The following ATCAY variants were observed in gnomAD, a reference collection of about 807,000 sequenced individuals.
ATCAY encodes ATCAY kinesin light chain interacting caytaxin.
In ATCAY, 22 loss-of-function variants were observed where a neutral mutation model predicts 47.7. That is an observed-to-expected ratio of 0.46 (90% CI 0.33 to 0.66). ATCAY has a LOEUF of 0.66. Ranked by LOEUF, ATCAY falls within the 30% of genes least tolerant of loss-of-function variation. The probability of loss-of-function intolerance (pLI) is 0.02; values close to 1 mark genes in which losing one functional copy is unlikely to be tolerated. For missense variants in ATCAY, 452 were observed against 515.0 expected (o/e 0.88, Z 1.18); for synonymous variants, 216 against 207.6 (o/e 1.04, Z -0.35).
rs1190710949 is a variant in ATCAY, at chr19:3,881,876, C to A, written c.-42+868C>A. ...CTGGCTGCTGCCACCGCCCCCCCCC[C>A]GACCCCATAGCATCCAGGAGGGATT... On this transcript the variant is annotated intron_variant, in intron 1 of 12. Coordinates refer to ENST00000450849, the MANE Select transcript of ATCAY (RefSeq NM_033064.5). Among the ~76,000 whole-genome samples the A allele has an allele frequency of 2.4e-3, 342 of 139,822 alleles. 4 individuals carry two copies. Among genetic ancestry groups the A allele is most frequent in the African/African-American group, 9.2e-3 (331 of 35,970 alleles). 91.7% of individuals were successfully genotyped at this position (139,822 alleles called of 152,430 possible).
intron 8 of ATCAY, 75 bp from the exon 9 acceptor site, chr19:3,913,683 G>A (rs2038941290): frequency 8.8e-7 from 1 of 1,139,168 alleles, no homozygotes; most frequent in African/African-American, 1.5e-5. Flanking sequence ...CTGTCGCCAT[G>A]GCTCTGTCTG....
Position 3,924,803 on chromosome 19 carries a change from G to A in ATCAY, c.*211G>A, listed in dbSNP as rs1338995525. 8.8e-6 allele frequency: 5 copies of A among 569,082 alleles called. No homozygotes were observed. The highest frequency in any genetic ancestry group is 1.6e-5 in the Non-Finnish European group (5 of 321,914). 35.3% of individuals were successfully genotyped at this position (569,082 alleles called of 1,614,324 possible). A position where few individuals can be genotyped will look rare whatever the true frequency, so the allele number is the denominator to read the frequency against. ...TTTTTTTTAACGATGCAGTATTTGT[G>A]CGTTCCAGAAAAGGGCCCAGCTCTG... On this transcript the variant is annotated 3_prime_UTR_variant, in exon 13 of 13. Coordinates refer to ENST00000450849, the MANE Select transcript of ATCAY (RefSeq NM_033064.5).
chr19:3,918,943 G>T, intron 11 of ATCAY, 66 bp downstream of exon 11: 3 of 1,562,322 alleles, frequency 1.9e-6, no homozygotes, highest in East Asian at 2.2e-5. Flanking sequence ...TCCCTTGGGG[G>T]AGGCTAGAGA....
intron 3 of ATCAY, among the ~76,000 whole-genome samples, chr19:3,904,932 T>C (rs2038847051): frequency 6.6e-6 from 1 of 152,170 alleles, no homozygotes; most frequent in Non-Finnish European, 1.5e-5. Context: ...CGATCTTGGC[T>C]CACTGTAACC....
intron 2 of ATCAY, among the ~76,000 whole-genome samples, chr19:3,887,581 G>A (rs1003096467): frequency 5.3e-5 from 8 of 151,158 alleles, no homozygotes; most frequent in Non-Finnish European, 1.2e-4. Context: ...CCGCCTCCCG[G>A]GTTCACGCCA....
At chr19:3,881,527 G>T (rs999532537) in intron 1 of ATCAY, among the ~76,000 whole-genome samples, 1 of 152,004 alleles carries the variant, frequency 6.6e-6, no homozygotes, top group Non-Finnish European at 1.5e-5. Flanking sequence ...AGACATCAGG[G>T]CTCAAATGAG....
chr19:3,892,048 C>A (rs2038723099), intron 2 of ATCAY, among the ~76,000 whole-genome samples: 1 of 152,052 alleles, frequency 6.6e-6, no homozygotes, highest in African/African-American at 2.4e-5. Context: ...CACCACCACG[C>A]CCAGCTAATT....
At chr19:3,914,081 A>G (rs1242166445) in intron 9 of ATCAY, among the ~76,000 whole-genome samples, 12 of 151,424 alleles carry the variant, frequency 7.9e-5, no homozygotes, top group Non-Finnish European at 2.9e-5. Flanking sequence ...CTAAAAATAC[A>G]AAAAATTAGC....
chr19:3,913,944 G>T, intron 9 of ATCAY, 88 bp downstream of exon 9: 1 of 1,245,836 alleles, frequency 8.0e-7, no homozygotes. Context: ...ATTTACAAAA[G>T]AGGTTTAAGG....
At chr19:3,895,056 T>G in intron 2 of ATCAY, 1 of 446,216 alleles carries the variant, frequency 2.2e-6, no homozygotes, top group African/African-American at 2.0e-5. Context: ...TCATTTTCTT[T>G]GCCGTAAGCA....
intron 2 of ATCAY, among the ~76,000 whole-genome samples, chr19:3,901,715 G>A (rs890309306): frequency 5.9e-5 from 9 of 152,168 alleles, no homozygotes; most frequent in Non-Finnish European, 1.3e-4. Context: ...AAAACATGCT[G>A]GGCGGGCGCG....
chr19:3,908,138 C>T (rs955767241), intron 5 of ATCAY, 130 bp from the exon 6 acceptor site: 4 of 1,030,364 alleles, frequency 3.9e-6, no homozygotes, highest in South Asian at 1.5e-5. Flanking sequence ...GCTAAGGGGT[C>T]GCCGGCTGCT....
At chr19:3,912,317 A>T (rs962598225) in intron 8 of ATCAY, among the ~76,000 whole-genome samples, 3 of 151,544 alleles carry the variant, frequency 2.0e-5, no homozygotes, top group Non-Finnish European at 2.9e-5. Context: ...TACAAAAAAA[A>T]ATTTTTTTTT....
intron 9 of ATCAY, among the ~76,000 whole-genome samples, chr19:3,916,122 C>G (rs558783574): frequency 7.2e-5 from 11 of 152,042 alleles, no homozygotes; most frequent in Admixed American, 3.9e-4. Flanking sequence ...CTCTAGGGAC[C>G]TCCTAGGAAT....
intron 2 of ATCAY, among the ~76,000 whole-genome samples, chr19:3,899,193 T>A (rs575922499): frequency 6.6e-6 from 1 of 151,954 alleles, no homozygotes; most frequent in Non-Finnish European, 1.5e-5. Flanking sequence ...CAAAAACATT[T>A]GATGAATAGA....
chr19:3,902,078 T>C (rs1249634564), intron 2 of ATCAY, among the ~76,000 whole-genome samples: 2 of 152,176 alleles, frequency 1.3e-5, no homozygotes, highest in Middle Eastern at 3.4e-3. Context: ...TTTGGGAGGC[T>C]GAGGTGGGAA....
Position 3,897,822 on chromosome 19 carries a change from C to T in ATCAY, c.78-4665C>T, listed in dbSNP as rs776723263. On this transcript the variant is annotated intron_variant, in intron 2 of 12. Transcript: ENST00000450849. ...ACTCTGGAGGCTGAGGCACAAGAAT[C>T]GCCTAAACCCGGGAGATGGAGGTTG... Among the ~76,000 whole-genome samples the T allele has an allele frequency of 3.3e-5, 5 of 152,082 alleles. No individual in the cohort carries two copies. In the East Asian group the frequency reaches 9.7e-4, roughly 29 times the overall value.
In ATCAY at chr19:3,905,374, T is replaced by C. The variant is rs1320326844; in HGVS notation, c.137-60T>C. 11 of 1,472,146 alleles carry C rather than the reference T, an allele frequency of 7.5e-6. 1 individual carries two copies. The South Asian group carries it at 9.4e-5, about 13-fold the overall frequency. 91.2% of individuals were successfully genotyped at this position (1,472,146 alleles called of 1,614,324 possible). A position where few individuals can be genotyped will look rare whatever the true frequency, so the allele number is the denominator to read the frequency against. On this transcript the variant is annotated intron_variant, in intron 3 of 12. Transcript: ENST00000450849. ...AAACAGCTTCCACCAGGTAGGAAAA[T>C]GGGGGGAAGGTAAAAGAGAGAAAGC...
chr19:3,887,462 T>C (rs1023212193), intron 2 of ATCAY, among the ~76,000 whole-genome samples: 1 of 150,862 alleles, frequency 6.6e-6, no homozygotes, highest in Non-Finnish European at 1.5e-5. Flanking sequence ...TGTCTCTATT[T>C]TATTTTATTT....
Sources: allele counts gnomAD v4.1 joint callset (sites outside exome capture counted in the v4.1 genomes callset), GRCh38; gene constraint gnomAD v4.1.1; transcripts MANE v1.5; gene names NCBI Gene and HGNC (gene_info 2026-07-23, HGNC 2026-07-21).